Variants in DOCK4 observed in about 807,000 individuals in gnomAD.
The protein encoded by DOCK4 is dedicator of cytokinesis protein 4.
DOCK4 carries 97 observed loss-of-function variants against 268.1 expected under a neutral mutation model. The observed-to-expected ratio is 0.36, with a 90% CI of 0.31 to 0.43. The LOEUF is 0.43. DOCK4 is among the 20% of genes least tolerant of loss of function. DOCK4 has a pLI of 1.00. For synonymous variants in DOCK4, 954 were observed against 887.2 expected, an observed-to-expected ratio of 1.08 and a Z score of -1.34; for missense variants, 2,145 against 2,455.7, an observed-to-expected ratio of 0.87 and a Z score of 2.67.
chr7:111,808,806 C>G lies in DOCK4; in HGVS notation c.3166+15G>C, dbSNP rs772055761. ...GAGCTGTATAGTAGATGTGGCTTCT[C>G]TTTTCCTCACTTACCTAGGTTTTGC... On this transcript the variant is annotated intron_variant, in intron 30 of 52. Coordinates refer to ENST00000428084, the MANE Select transcript of DOCK4 (RefSeq NM_001363540.2). The G allele has an allele frequency of 3.1e-6, 5 of 1,609,596 alleles. No individual in the cohort carries two copies. The highest frequency in any genetic ancestry group is 4.2e-6 in the Non-Finnish European group (5 of 1,177,890).
intron 52 of DOCK4, 90 bp from the exon 53 acceptor site, chr7:111,728,810 C>T (rs527259432): frequency 3.1e-6 from 4 of 1,295,592 alleles, no homozygotes; most frequent in Admixed American, 2.6e-5. Flanking sequence ...GCGGAGGCCC[C>T]GGCCCCCAGC....
chr7:112,148,668 G>GGTTTT (rs559717040), intron 1 of DOCK4, among the ~76,000 whole-genome samples: 2,237 of 152,104 alleles, frequency 0.015, 25 homozygotes, highest in Non-Finnish European at 0.023. Context: ...GAAAATAAAG[G>GGTTTT]GTTTTGTTTT....
At chr7:111,998,340 T>A in intron 4 of DOCK4, 108 bp downstream of exon 4, 1 of 854,460 alleles carries the variant, frequency 1.2e-6, no homozygotes, top group East Asian at 2.8e-5. Context: ...GACAATGGTA[T>A]GATCTTCTAC....
intron 13 of DOCK4, among the ~76,000 whole-genome samples, chr7:111,912,223 A>C (rs1792163656): frequency 6.6e-6 from 1 of 152,218 alleles, no homozygotes. Flanking sequence ...CTTTGCTTGC[A>C]CTTACACATG....
intron 1 of DOCK4, among the ~76,000 whole-genome samples, chr7:112,045,981 A>G (rs777870593): frequency 2.6e-5 from 4 of 152,366 alleles, no homozygotes; most frequent in Middle Eastern, 3.4e-3. Context: ...AGTTCCCTTT[A>G]GCTATAATGT....
At position 111,901,677 on chromosome 7, in the gene DOCK4, C is replaced by A; in HGVS notation, c.1317G>T (p.Lys439Asn). 6.2e-7 allele frequency: 1 copy of A among 1,613,090 alleles called. No individual in the cohort carries two copies. The highest frequency in any genetic ancestry group is 8.5e-7 in the Non-Finnish European group (1 of 1,179,580). The change falls in exon 14 of 53, where the codon AAG becomes AAT. Residue 439 changes from lysine to asparagine, a missense_variant and splice_region_variant. Physicochemically the swap from Lys to Asn is moderately conservative, Grantham distance 94. Coordinates refer to ENST00000428084, the MANE Select transcript of DOCK4 (RefSeq NM_001363540.2). ...CTGGAAATATCAAGTATTAACATACCTTCAGGGTTTGGCCACTACTGTCTA... is the reference window on the plus strand; with the variant it reads ...CTGGAAATATCAAGTATTAACATACATTCAGGGTTTGGCCACTACTGTCTA... ...FIVDSSGQTL[K>N]DFISFGSGEP...
In DOCK4 at chr7:111,822,377, C is replaced by T. The variant is rs750882888; in HGVS notation, c.2915G>A (p.Arg972His). The T allele has an allele frequency of 5.0e-6, 8 of 1,612,838 alleles. No homozygotes were observed. The highest frequency in any genetic ancestry group is 2.7e-5 in the African/African-American group (2 of 74,874). The change falls in exon 27 of 53, where the codon CGC (arginine) becomes CAC (histidine). Residue 972 changes from arginine to histidine, a missense_variant. This residue lies in a region of DOCK4 where 1,598 missense variants were observed against 1,986.7 expected (regional missense o/e 0.80). Transcript: ENST00000428084. The part of the protein sequence containing the change: ...EMFPKDWTVM[R>H]LVANNVIITT... ...AATGTCTTACTTGTTAGCAACCAAGCGCATAACAGTCCAGTCCTTTGGAAA... is the reference window on the plus strand; with the variant it reads ...AATGTCTTACTTGTTAGCAACCAAGTGCATAACAGTCCAGTCCTTTGGAAA...
At chr7:111,886,041 T>C (rs1807812336) in intron 16 of DOCK4, among the ~76,000 whole-genome samples, 1 of 152,192 alleles carries the variant, frequency 6.6e-6, no homozygotes, top group Non-Finnish European at 1.5e-5. Flanking sequence ...CCGGACAGTG[T>C]TCCAGAAGTG....
chr7:111,868,482 G>A (rs562542976), intron 21 of DOCK4, among the ~76,000 whole-genome samples: 3 of 152,058 alleles, frequency 2.0e-5, no homozygotes, highest in African/African-American at 7.2e-5. Flanking sequence ...AGGCCGAGGC[G>A]GGTGGATCAC....
At chr7:111,801,169 C>T (rs1427459203) in intron 30 of DOCK4, among the ~76,000 whole-genome samples, 1 of 152,308 alleles carries the variant, frequency 6.6e-6, no homozygotes, top group African/African-American at 2.4e-5. Flanking sequence ...TGGCGACCCA[C>T]ATTTGCATAT....
Position 111,727,861 on chromosome 7 carries a change from ACT to A in DOCK4, c.*411_*412del, listed in dbSNP as rs1352696168. The A allele has an allele frequency of 6.3e-6, 1 of 157,730 alleles. No individual in the cohort carries two copies. Among genetic ancestry groups the A allele is most frequent in the Non-Finnish European group, 1.4e-5 (1 of 72,022 alleles). 9.8% of individuals were successfully genotyped at this position (157,730 alleles called of 1,614,324 possible). A position where few individuals can be genotyped will look rare whatever the true frequency, so the allele number is the denominator to read the frequency against. On this transcript the variant is annotated 3_prime_UTR_variant, in exon 53 of 53. Transcript: ENST00000428084. ...ACAGAAGTCTTCTAAAATAAGGACC[ACT>A]GTGTTAGGATGTGCACTGACTTAAT...
At chr7:111,757,036 A>G (rs2133562697) in intron 41 of DOCK4, among the ~76,000 whole-genome samples, 1 of 151,866 alleles carries the variant, frequency 6.6e-6, no homozygotes, top group South Asian at 2.1e-4. Flanking sequence ...TGCCAGGAGG[A>G]GAGTGGGGGT....
At chr7:112,103,614 G>T (rs1026658807) in intron 1 of DOCK4, among the ~76,000 whole-genome samples, 1 of 152,214 alleles carries the variant, frequency 6.6e-6, no homozygotes, top group Non-Finnish European at 1.5e-5. Context: ...GGGCGCAGTG[G>T]CTCATGCCTG....
intron 1 of DOCK4, among the ~76,000 whole-genome samples, chr7:112,068,710 G>T (rs567807728): frequency 1.0e-3 from 153 of 152,286 alleles, no homozygotes; most frequent in African/African-American, 3.2e-3. Context: ...TCTAGAGACA[G>T]ACATGGTGTC....
intron 30 of DOCK4, among the ~76,000 whole-genome samples, chr7:111,793,889 G>A (rs931440076): frequency 5.3e-5 from 8 of 152,110 alleles, no homozygotes; most frequent in African/African-American, 9.7e-5. Context: ...GGTGTGTCAC[G>A]CTCAGAAGTT....
Position 111,872,019 on chromosome 7 carries a change from C to T in DOCK4, c.1998G>A (p.Glu666=), listed in dbSNP as rs1384284089. Residue 666 remains glutamate, a synonymous_variant, in exon 20 of 53, where the codon GAG becomes GAA. Transcript: ENST00000428084. ...HFKPVMDTYI[E]SHFAGALAYR... ...ATGCAAGTGCCCCAGCAAAATGACT[C>T]TCAATGTAAGTGTCCATTACAGGTT... The T allele has an allele frequency of 2.6e-6, 4 of 1,558,654 alleles. No homozygotes were observed. Among genetic ancestry groups the T allele is most frequent in the Non-Finnish European group, 3.5e-6 (4 of 1,150,376 alleles).
At position 111,741,204 on chromosome 7, in the gene DOCK4, A is replaced by G. The variant is rs762671421; in HGVS notation, c.4930T>C (p.Tyr1644His). 6.2e-7 allele frequency: 1 copy of G among 1,613,916 alleles called. No individual in the cohort carries two copies. The highest frequency in any genetic ancestry group is 8.5e-7 in the Non-Finnish European group (1 of 1,179,882). The change falls in exon 47 of 53, where the codon TAC becomes CAC. Residue 1644 changes from tyrosine (Y) to histidine (H), a missense_variant. Around this residue, in one of 2 missense-constraint regions of DOCK4, gnomAD observed 547 missense variants for 469.0 expected, o/e 1.17. Transcript: ENST00000428084. ...RVIPRRSPLS[Y>H]PAVNRYSSSS... ...GAAGAATATCGGTTGACAGCTGGGT[A>G]ACTTAACGGGCTGTTTCAGGGGGAA...
At chr7:112,171,376 T>G (rs933925572) in intron 1 of DOCK4, among the ~76,000 whole-genome samples, 1 of 152,224 alleles carries the variant, frequency 6.6e-6, no homozygotes, top group Non-Finnish European at 1.5e-5. Context: ...TGTCATATTT[T>G]TTTTCATTAA....
intron 32 of DOCK4, among the ~76,000 whole-genome samples, chr7:111,785,116 T>C (rs1056809804): frequency 2.6e-5 from 4 of 152,184 alleles, no homozygotes; most frequent in African/African-American, 9.7e-5. Flanking sequence ...CCTCCTGTGT[T>C]TCCTGTGCAT....
Sources: allele counts gnomAD v4.1 joint callset (sites outside exome capture counted in the v4.1 genomes callset), GRCh38; gene constraint gnomAD v4.1.1; regional missense constraint gnomAD v4.1.1; transcripts MANE v1.5; gene names NCBI Gene and HGNC (gene_info 2026-07-23, HGNC 2026-07-21).